SORD: variants seen among roughly 807,000 people sequenced by gnomAD.
SORD encodes sorbitol dehydrogenase, also known as (R,R)-butanediol dehydrogenase.
Under a neutral mutation model 35.6 loss-of-function variants are expected in SORD, and 18 were observed. The observed-to-expected ratio is 0.51, with a 90% CI of 0.35 to 0.75. SORD has a LOEUF of 0.75. Ranked by LOEUF, SORD falls within the 30% of genes least tolerant of loss-of-function variation. The pLI, the probability that SORD is intolerant of heterozygous loss-of-function variation, is 0.01. For missense variants in SORD, 250 were observed against 390.2 expected (o/e 0.64, Z 3.03); for synonymous variants, 106 against 152.9 (o/e 0.69, Z 2.26).
At chr15:45,035,857 C>G (rs1431146171) in intron 1 of SORD, among the ~76,000 whole-genome samples, 1 of 151,816 alleles carries the variant, frequency 6.6e-6, no homozygotes, top group Non-Finnish European at 1.5e-5. Context: ...TGCAGCTTCA[C>G]TCCTGAGCCA....
chr15:45,040,517 C>T (rs915996634), intron 2 of SORD, 76 bp downstream of exon 2: 5 of 1,088,680 alleles, frequency 4.6e-6, no homozygotes, highest in Admixed American at 1.9e-5. Context: ...ATATTGTTCC[C>T]TTACCTCTCT....
Position 45,056,710 on chromosome 15 carries a change from G to A in SORD, c.266-4357G>A, listed in dbSNP as rs1893223430. On this transcript the variant is annotated intron_variant, in intron 3 of 8. Coordinates refer to ENST00000267814, the MANE Select transcript of SORD (RefSeq NM_003104.6). Reference sequence around the variant, plus strand: ...ATGGGGATGTGGAATTTTTATACAAGTTATAAATGTTTGGCATAGTACTTT... The same window carrying A: ...ATGGGGATGTGGAATTTTTATACAAATTATAAATGTTTGGCATAGTACTTT... Among the ~76,000 whole-genome samples, 3 of 152,222 alleles carry A rather than the reference G, an allele frequency of 2.0e-5. No individual in the cohort carries two copies. The South Asian group carries it at 6.2e-4, about 32-fold the overall frequency.
At chr15:45,052,186 G>T (rs1178920087) in intron 3 of SORD, among the ~76,000 whole-genome samples, 1 of 152,204 alleles carries the variant, frequency 6.6e-6, no homozygotes, top group African/African-American at 2.4e-5. Context: ...GTGGACTGTA[G>T]ATCCTTCCAG....
At chr15:45,046,358 T>G (rs1463658011) in intron 3 of SORD, among the ~76,000 whole-genome samples, 1 of 152,198 alleles carries the variant, frequency 6.6e-6, no homozygotes, top group African/African-American at 2.4e-5. Context: ...TTCTTGTGCC[T>G]CAGCCTCCTG....
chr15:45,033,032 T>C (rs748613503), intron 1 of SORD, among the ~76,000 whole-genome samples: 21 of 152,082 alleles, frequency 1.4e-4, no homozygotes, highest in Non-Finnish European at 2.5e-4. Context: ...CACTGCTAGC[T>C]GTCCCCCACC....
At chr15:45,050,118 T>G (rs1164569828) in intron 3 of SORD, among the ~76,000 whole-genome samples, 4 of 152,198 alleles carry the variant, frequency 2.6e-5, no homozygotes, top group African/African-American at 9.6e-5. Context: ...AGTCTCGCAC[T>G]CTCGCCCAGG....
At chr15:45,041,761 G>A (rs1892969278) in intron 2 of SORD, 1 of 152,142 alleles carries the variant, frequency 6.6e-6, no homozygotes, top group Admixed American at 6.5e-5. Flanking sequence ...CTTGGCTCCT[G>A]GTAACAGCTT....
chr15:45,068,020 A>T (rs780250118), intron 5 of SORD, among the ~76,000 whole-genome samples, 161 bp from the exon 6 acceptor site: 8 of 152,314 alleles, frequency 5.3e-5, no homozygotes, highest in African/African-American at 1.2e-4. Flanking sequence ...GGATTTATTC[A>T]CTTCTGCATT....
In SORD at chr15:45,073,675, G is replaced by C; in HGVS notation, c.*145G>C. On this transcript the variant is annotated 3_prime_UTR_variant, in exon 9 of 9. Transcript: ENST00000267814. ...CATTGTGAACAGAAGTCCTTAAGCA[G>C]AGGAATTGGTGTGCCTTAAAGATAC... The C allele has an allele frequency of 2.2e-6, 3 of 1,360,260 alleles. No homozygotes were observed. Among genetic ancestry groups the C allele is most frequent in the Non-Finnish European group, 2.9e-6 (3 of 1,022,358 alleles). The allele number at this position is 1,360,260 out of a possible 1,614,324, so 84.3% of individuals were successfully genotyped here.
At chr15:45,047,241 A>T (rs1209962400) in intron 3 of SORD, 1 of 152,048 alleles carries the variant, frequency 6.6e-6, no homozygotes, top group Non-Finnish European at 1.5e-5. Context: ...AATGAGCACT[A>T]ACTATGTACC....
chr15:45,040,537 G>A (rs1892950788), intron 2 of SORD, 96 bp downstream of exon 2: 4 of 955,180 alleles, frequency 4.2e-6, no homozygotes, highest in Non-Finnish European at 6.7e-6. Flanking sequence ...TTTTCCAACT[G>A]TTTATTACTT....
intron 1 of SORD, among the ~76,000 whole-genome samples, chr15:45,037,622 TAAAA>T (rs1458115711): frequency 6.6e-6 from 1 of 152,266 alleles, no homozygotes; most frequent in South Asian, 2.1e-4. Context: ...AATGCAGCCA[TAAAA>T]AAGAATGAGA....
At chr15:45,028,570 G>GCT (rs1300927061) in intron 1 of SORD, among the ~76,000 whole-genome samples, 1 of 152,190 alleles carries the variant, frequency 6.6e-6, no homozygotes, top group Admixed American at 6.5e-5. Context: ...GTTATGATCA[G>GCT]CTATATGAGG....
rs1466099757 is a variant in SORD, at chr15:45,073,463, A to C, written c.1007A>C (p.Glu336Ala). The C allele has an allele frequency of 6.4e-7, 1 of 1,571,248 alleles. No homozygotes were observed. Among genetic ancestry groups the C allele is most frequent in the East Asian group, 2.2e-5 (1 of 44,510 alleles). Residue 336 changes from glutamate to alanine, a missense_variant, in exon 9 of 9, where the codon GAA becomes GCA. Glu to Ala is a moderately radical substitution (Grantham distance 107). Transcript: ENST00000267814. ...FPLEKALEAF[E>A]TFKKGLGLKI... ...CTGGAGAAAGCTCTGGAGGCCTTTGAAACATTTAAAAAGGGATTGGGGTTG... is the reference window on the plus strand; with the variant it reads ...CTGGAGAAAGCTCTGGAGGCCTTTGCAACATTTAAAAAGGGATTGGGGTTG...
At chr15:45,048,983 C>T (rs371109339) in intron 3 of SORD, among the ~76,000 whole-genome samples, 1 of 152,126 alleles carries the variant, frequency 6.6e-6, no homozygotes, top group Admixed American at 6.5e-5. Flanking sequence ...TCAGCAACTG[C>T]GAGTATGTTT....
chr15:45,059,780 G>A (rs1232467920), intron 3 of SORD, among the ~76,000 whole-genome samples: 1 of 152,180 alleles, frequency 6.6e-6, no homozygotes, highest in Admixed American at 6.5e-5. Flanking sequence ...ATAGGCATGA[G>A]CCACCACACC....
intron 1 of SORD, among the ~76,000 whole-genome samples, chr15:45,039,625 T>A (rs1217959315): frequency 1.3e-5 from 2 of 152,226 alleles, no homozygotes; most frequent in Non-Finnish European, 2.9e-5. Context: ...AGATTGCTTT[T>A]GAACCTGTGA....
chr15:45,070,505 G>A (rs1231997658), intron 7 of SORD: 2 of 154,026 alleles, frequency 1.3e-5, no homozygotes, highest in Non-Finnish European at 1.4e-5. Flanking sequence ...GGAGGAGCGG[G>A]TGCCACCTTG....
chr15:45,065,165 T>G, intron 4 of SORD, 106 bp from the exon 5 acceptor site: 1 of 1,057,608 alleles, frequency 9.5e-7, no homozygotes. Context: ...AAATGCTCGA[T>G]AAATGCTAGC....
Sources: gnomAD v4.1 joint callset for allele counts (sites outside exome capture counted in the v4.1 genomes callset) on GRCh38, gnomAD v4.1.1 for gene constraint, MANE v1.5 for transcripts, NCBI Gene and HGNC (gene_info 2026-07-23, HGNC 2026-07-21) for gene names.